ATP10A: variants seen among roughly 807,000 people sequenced by gnomAD.
The protein encoded by ATP10A is phospholipid-transporting ATPase VA.
In ATP10A, 111 loss-of-function variants were observed where a neutral mutation model predicts 147.8. The observed-to-expected ratio is 0.75, with a 90% CI of 0.64 to 0.88. The LOEUF (loss-of-function observed/expected upper bound fraction) is 0.88. ATP10A is among the 40% of genes least tolerant of loss of function. The probability of loss-of-function intolerance (pLI) is 0.00; values close to 1 mark genes in which losing one functional copy is unlikely to be tolerated. For synonymous variants in ATP10A, 875 were observed against 841.6 expected (o/e 1.04, Z -0.69); for missense variants, 1,927 against 1,959.0 (o/e 0.98, Z 0.31).
chr15:25,830,837 C>T (rs1892323961), intron 1 of ATP10A, among the ~76,000 whole-genome samples: 3 of 152,200 alleles, frequency 2.0e-5, no homozygotes, highest in African/African-American at 7.2e-5. Flanking sequence ...CTTACCTGCT[C>T]CTGGGAATCA....
At chr15:25,766,350 C>G (rs1426797170) in intron 2 of ATP10A, among the ~76,000 whole-genome samples, 1 of 152,142 alleles carries the variant, frequency 6.6e-6, no homozygotes, top group Non-Finnish European at 1.5e-5. Context: ...GGATTACAAG[C>G]TAGCAAATGT....
intron 3 of ATP10A, among the ~76,000 whole-genome samples, chr15:25,731,116 C>T (rs1039502442): frequency 1.3e-5 from 2 of 152,216 alleles, no homozygotes; most frequent in African/African-American, 4.8e-5. Flanking sequence ...AGGGTGTCAC[C>T]CACCAGGGCG....
downstream of ATP10A, among the ~76,000 whole-genome samples, chr15:25,675,527 C>T (rs1899118522): frequency 6.6e-6 from 1 of 150,588 alleles, no homozygotes; most frequent in Admixed American, 6.6e-5. Flanking sequence ...GCAGCCACAC[C>T]ACTGAGAGGC....
intron 1 of ATP10A, among the ~76,000 whole-genome samples, chr15:25,783,481 C>G (rs1005382010): frequency 2.0e-5 from 3 of 147,006 alleles, no homozygotes; most frequent in African/African-American, 7.3e-5. Context: ...TGAGGGACCC[C>G]CCCCTGGCAA....
Position 25,687,164 on chromosome 15 carries a change from G to C in ATP10A, c.3291+539C>G, listed in dbSNP as rs192668506. ...CAGAGGCCATTCAGTATGGGAATCA[G>C]AGTGAGGCTAAGTTCCCTTATTCTG... is the stretch of plus-strand genomic sequence containing the variant. On this transcript the variant is annotated intron_variant, in intron 16 of 20. Transcript: ENST00000555815. Among the ~76,000 whole-genome samples the C allele has an allele frequency of 6.2e-5, 8 of 129,626 alleles. 1 individual carries two copies. The East Asian group carries it at 1.6e-3, about 26-fold the overall frequency. 85.0% of individuals were successfully genotyped at this position (129,626 alleles called of 152,430 possible).
rs146123547 is a variant in ATP10A at position 25,800,024 on chromosome 15, G to A, written c.450-18801C>T. Among the ~76,000 whole-genome samples the A allele has an allele frequency of 4.9e-4, 74 of 152,238 alleles. 1 individual carries two copies. The highest frequency in any genetic ancestry group is 1.6e-3 in the African/African-American group (68 of 41,528). On this transcript the variant is annotated intron_variant, in intron 1 of 20. Coordinates refer to ENST00000555815, the MANE Select transcript of ATP10A (RefSeq NM_024490.4). Reference sequence around the variant, plus strand: ...GGAATTCTAAAGAAGGAGGAAAAGCGACAAAGAACCTTGTCATTAGACACC... The same window carrying A: ...GGAATTCTAAAGAAGGAGGAAAAGCAACAAAGAACCTTGTCATTAGACACC...
intron 2 of ATP10A, among the ~76,000 whole-genome samples, chr15:25,743,160 G>A (rs916178097): frequency 6.6e-6 from 1 of 152,208 alleles, no homozygotes; most frequent in African/African-American, 2.4e-5. Context: ...TAGCCACATA[G>A]AGGAAGACCA....
chr15:25,693,445 T>G (rs1900143200), intron 14 of ATP10A, among the ~76,000 whole-genome samples: 1 of 152,214 alleles, frequency 6.6e-6, no homozygotes, highest in African/African-American at 2.4e-5. Context: ...CAGACACCAG[T>G]GGCTACGCGG....
At chr15:25,722,046 T>C in intron 6 of ATP10A, 137 bp from the exon 7 acceptor site, 1 of 960,856 alleles carries the variant, frequency 1.0e-6, no homozygotes, top group Non-Finnish European at 1.5e-6. Context: ...AGAGCTTAAA[T>C]AGGTTGGTTT....
At chr15:25,740,249 T>C (rs115754471) in intron 2 of ATP10A, among the ~76,000 whole-genome samples, 1 of 150,288 alleles carries the variant, frequency 6.7e-6, no homozygotes, top group Admixed American at 6.6e-5. Context: ...GATACTGTTA[T>C]TTTTTTTCTA....
intron 13 of ATP10A, among the ~76,000 whole-genome samples, chr15:25,695,727 G>A (rs1452184802): frequency 6.6e-6 from 1 of 152,150 alleles, no homozygotes; most frequent in Non-Finnish European, 1.5e-5. Flanking sequence ...CACTTTGGGA[G>A]GCCATACTGT....
intron 3 of ATP10A, among the ~76,000 whole-genome samples, chr15:25,731,401 G>A (rs1375069166): frequency 6.6e-6 from 1 of 152,232 alleles, no homozygotes; most frequent in African/African-American, 2.4e-5. Context: ...GATCGGAAAA[G>A]AGAACTAGGG....
At chr15:25,676,602 C>T (rs915620914), downstream of ATP10A, among the ~76,000 whole-genome samples, 10 of 152,090 alleles carry the variant, frequency 6.6e-5, no homozygotes, top group Admixed American at 4.6e-4. Context: ...ATTTGAGTTT[C>T]ACGTATTTTA....
chr15:25,818,832 G>A (rs1016803902), intron 1 of ATP10A, among the ~76,000 whole-genome samples: 1 of 152,070 alleles, frequency 6.6e-6, no homozygotes, highest in African/African-American at 2.4e-5. Flanking sequence ...CGTAACACCA[G>A]GAAAAAGGAC....
intron 1 of ATP10A, among the ~76,000 whole-genome samples, chr15:25,790,119 T>C (rs1323788252): frequency 2.6e-5 from 4 of 152,200 alleles, no homozygotes; most frequent in African/African-American, 9.6e-5. Context: ...AGAATGTGTC[T>C]TCCTTCCACC....
intron 1 of ATP10A, among the ~76,000 whole-genome samples, chr15:25,830,613 A>G (rs1402268770): frequency 1.3e-5 from 2 of 152,102 alleles, no homozygotes; most frequent in Non-Finnish European, 2.9e-5. Flanking sequence ...CACTGGCCAC[A>G]TGATCTCTTA....
intron 1 of ATP10A, among the ~76,000 whole-genome samples, chr15:25,798,062 G>A (rs937932776): frequency 3.9e-5 from 6 of 152,044 alleles, no homozygotes; most frequent in Non-Finnish European, 7.4e-5. Context: ...TCTGGAATCC[G>A]GCCTAGTTAA....
intron 1 of ATP10A, among the ~76,000 whole-genome samples, chr15:25,806,448 G>A (rs530211355): frequency 1.3e-5 from 2 of 152,060 alleles, no homozygotes; most frequent in South Asian, 2.1e-4. Context: ...GAATACCTGG[G>A]ACTATAGGCG....
chr15:25,858,623 A>G (rs916626076), intron 1 of ATP10A, among the ~76,000 whole-genome samples: 2 of 152,124 alleles, frequency 1.3e-5, no homozygotes, highest in Admixed American at 6.5e-5. Flanking sequence ...AATGGAGCGA[A>G]AATCAAAGTG....
Sources: allele counts gnomAD v4.1 joint callset (sites outside exome capture counted in the v4.1 genomes callset), GRCh38; gene constraint gnomAD v4.1.1; transcripts MANE v1.5; gene names NCBI Gene and HGNC (gene_info 2026-07-23, HGNC 2026-07-21).